Variants in NPLOC4 observed in about 807,000 individuals in gnomAD.
NPLOC4 encodes nuclear protein localization protein 4 homolog.
In NPLOC4, 18 loss-of-function variants were observed where a neutral mutation model predicts 80.6. That is an observed-to-expected ratio of 0.22 (90% CI 0.15 to 0.33). The LOEUF (loss-of-function observed/expected upper bound fraction) is 0.33, where lower values mean the gene tolerates loss of function less well. Among genes scored for constraint, NPLOC4 ranks in the 10% least tolerant of loss-of-function variants. The probability of loss-of-function intolerance (pLI) is 1.00; values close to 1 mark genes in which losing one functional copy is unlikely to be tolerated. For synonymous variants in NPLOC4, 313 were observed against 301.5 expected, an observed-to-expected ratio of 1.04 and a Z score of -0.39; for missense variants, 540 against 786.1, an observed-to-expected ratio of 0.69 and a Z score of 3.74.
At chr17:81,598,766 G>A (rs541528407) in intron 9 of NPLOC4, among the ~76,000 whole-genome samples, 8 of 152,236 alleles carry the variant, frequency 5.3e-5, no homozygotes, top group African/African-American at 1.9e-4. Context: ...CTGTCCTCGG[G>A]AAGGATCTGC....
chr17:81,572,172 T>C lies in NPLOC4; in HGVS notation c.1282-84A>G. On this transcript the variant is annotated intron_variant, in intron 12 of 16. Transcript: ENST00000331134. The surrounding 1 kb of genome is among the most constrained non-coding windows in gnomAD (Gnocchi z 4.5). ...TTTCACATGCTTGTCTCACCTTTTA[T>C]TTAATTAATTAATTTATTTATTTAT... 1 of 590,432 alleles carries C rather than the reference T, an allele frequency of 1.7e-6. No individual in the cohort carries two copies. Among genetic ancestry groups the C allele is most frequent in the Non-Finnish European group, 2.7e-6 (1 of 373,918 alleles). 36.6% of individuals were successfully genotyped at this position (590,432 alleles called of 1,614,324 possible).
At chr17:81,575,225 G>A (rs895491695) in intron 12 of NPLOC4, among the ~76,000 whole-genome samples, 1 of 151,996 alleles carries the variant, frequency 6.6e-6, no homozygotes, top group Non-Finnish European at 1.5e-5. Context: ...TCAGCCTCCC[G>A]AGTAGCTGGG....
At chr17:81,586,958 G>T (rs1321009905) in intron 12 of NPLOC4, among the ~76,000 whole-genome samples, 1 of 152,202 alleles carries the variant, frequency 6.6e-6, no homozygotes, top group Non-Finnish European at 1.5e-5. Context: ...GCCCTCTCTG[G>T]AAGAAAACAC....
intron 12 of NPLOC4, among the ~76,000 whole-genome samples, chr17:81,581,644 G>C (rs1325376173): frequency 6.6e-6 from 1 of 152,202 alleles, no homozygotes; most frequent in Non-Finnish European, 1.5e-5. Flanking sequence ...ATCAGCCAGT[G>C]AAGGCAGTCC....
At chr17:81,583,636 C>A (rs897310044) in intron 12 of NPLOC4, among the ~76,000 whole-genome samples, 2 of 152,188 alleles carry the variant, frequency 1.3e-5, no homozygotes, top group Admixed American at 6.5e-5. Context: ...AAAAACTACA[C>A]GTGAACGATG....
At chr17:81,603,551 G>A (rs1332870014) in intron 8 of NPLOC4, among the ~76,000 whole-genome samples, 2 of 152,104 alleles carry the variant, frequency 1.3e-5, no homozygotes, top group Non-Finnish European at 2.9e-5. Context: ...AGCTATGACT[G>A]CACAACTGCA....
rs1305250471 is a variant in NPLOC4 at position 81,594,257 on chromosome 17, AGAGC to A, written c.1120+1855_1120+1858del. ...GCCACTGCAGTCCAGCCTGGGCGAA[AGAGC>A]GAGACTCCGTCTCAAAAAAAAAAAA... On this transcript the variant is annotated intron_variant, in intron 11 of 16. Coordinates refer to ENST00000331134, the MANE Select transcript of NPLOC4 (RefSeq NM_017921.4). Among the ~76,000 whole-genome samples the A allele has an allele frequency of 4.9e-5, 6 of 123,148 alleles. No individual in the cohort carries two copies. The Admixed American group carries it at 5.8e-4, about 12-fold the overall frequency. The allele number at this position is 123,148 out of a possible 152,430, so 80.8% of individuals were successfully genotyped here.
At chr17:81,574,913 A>C (rs1363649754) in intron 12 of NPLOC4, among the ~76,000 whole-genome samples, 1 of 152,152 alleles carries the variant, frequency 6.6e-6, no homozygotes, top group Non-Finnish European at 1.5e-5. Context: ...ACACAAAAGC[A>C]TGTGGGCTTT....
At chr17:81,560,875 T>C (rs1435329532) in intron 16 of NPLOC4, 1 of 152,168 alleles carries the variant, frequency 6.6e-6, no homozygotes, top group Non-Finnish European at 1.5e-5. Context: ...ACACTTGACA[T>C]TGTCGCGTTT....
At chr17:81,559,504 T>C in intron 16 of NPLOC4, 88 bp from the exon 17 acceptor site, 1 of 1,424,554 alleles carries the variant, frequency 7.0e-7, no homozygotes, top group East Asian at 2.5e-5. Context: ...GGCAGGCAGC[T>C]GAGAGCTCCC....
intron 12 of NPLOC4, among the ~76,000 whole-genome samples, chr17:81,573,788 G>A (rs1239741029): frequency 6.6e-6 from 1 of 152,150 alleles, no homozygotes; most frequent in Non-Finnish European, 1.5e-5. Context: ...AATGAACCTG[G>A]ACTCTATTTC....
At chr17:81,596,793 T>C (rs146801649) in intron 10 of NPLOC4, among the ~76,000 whole-genome samples, 32 of 152,294 alleles carry the variant, frequency 2.1e-4, no homozygotes, top group Non-Finnish European at 2.5e-4. Context: ...CCGGCCTTCA[T>C]TGATCAAGAA....
intron 11 of NPLOC4, among the ~76,000 whole-genome samples, chr17:81,592,931 C>G (rs1017968355): frequency 3.3e-5 from 5 of 151,986 alleles, no homozygotes; most frequent in Non-Finnish European, 7.4e-5. Flanking sequence ...TGCAGTGAGC[C>G]AAGATTGTGC....
At chr17:81,603,484 T>C (rs909380314) in intron 8 of NPLOC4, among the ~76,000 whole-genome samples, 3 of 149,834 alleles carry the variant, frequency 2.0e-5, no homozygotes, top group African/African-American at 7.4e-5. Flanking sequence ...TAGTCCCAGC[T>C]ACTCAGAAGG....
At chr17:81,621,702 A>T (rs1397374632) in intron 3 of NPLOC4, among the ~76,000 whole-genome samples, 1 of 152,186 alleles carries the variant, frequency 6.6e-6, no homozygotes, top group Non-Finnish European at 1.5e-5. Context: ...CTTTACAAAA[A>T]CAGGCAGTAG....
intron 12 of NPLOC4, among the ~76,000 whole-genome samples, chr17:81,581,375 A>AAAAAAAAAAACAGTC (rs1555680405): frequency 1.4e-5 from 1 of 72,810 alleles, no homozygotes; most frequent in African/African-American, 4.7e-5. Context: ...AAAAAAAAAA[A>AAAAAAAAAAACAGTC]AGTTAATAAA....
At chr17:81,610,288 G>C (rs1198130040) in intron 4 of NPLOC4, 30 bp from the exon 5 acceptor site, 1 of 1,558,122 alleles carries the variant, frequency 6.4e-7, no homozygotes, top group Non-Finnish European at 8.7e-7. Context: ...GAAAAAGGCA[G>C]AGCAGTGAGG....
chr17:81,606,886 A>C, intron 6 of NPLOC4, 72 bp from the exon 7 acceptor site: 1 of 1,434,732 alleles, frequency 7.0e-7, no homozygotes. Flanking sequence ...ATGACATGCT[A>C]AGTATCTTAT....
At chr17:81,603,130 G>A (rs1228709744) in intron 8 of NPLOC4, among the ~76,000 whole-genome samples, 1 of 150,864 alleles carries the variant, frequency 6.6e-6, no homozygotes, top group Non-Finnish European at 1.5e-5. Flanking sequence ...GAGCCATGAT[G>A]GCAGTACTGC....
Sources: allele counts gnomAD v4.1 joint callset (sites outside exome capture counted in the v4.1 genomes callset), GRCh38; gene constraint gnomAD v4.1.1; non-coding constraint Gnocchi (gnomAD v3.1); transcripts MANE v1.5; gene names NCBI Gene and HGNC (gene_info 2026-07-23, HGNC 2026-07-21).